The following THSD7B variants were observed in gnomAD, a reference collection of about 807,000 sequenced individuals.
THSD7B encodes the protein thrombospondin type-1 domain-containing protein 7B.
A neutral mutation model predicts 213.6 loss-of-function variants in THSD7B; 138 were observed. The ratio of observed to expected loss-of-function variants is 0.65; its 90% CI spans 0.56 to 0.74. THSD7B has a LOEUF of 0.74. Ranked by LOEUF, THSD7B falls within the 30% of genes least tolerant of loss-of-function variation. The probability of loss-of-function intolerance (pLI) is 0.00; values close to 1 mark genes in which losing one functional copy is unlikely to be tolerated. For synonymous variants in THSD7B, 742 were observed against 687.0 expected (o/e 1.08, Z -1.25); for missense variants, 1,931 against 1,991.5 (o/e 0.97, Z 0.58).
intron 7 of THSD7B, among the ~76,000 whole-genome samples, chr2:137,206,461 T>C (rs1250527371): frequency 6.6e-6 from 1 of 152,036 alleles, no homozygotes; most frequent in East Asian, 1.9e-4. Context: ...CCTGACTGCG[T>C]ATTAGTTACC....
At chr2:137,384,181 G>A (rs1468078793) in intron 12 of THSD7B, among the ~76,000 whole-genome samples, 1 of 152,136 alleles carries the variant, frequency 6.6e-6, no homozygotes, top group Non-Finnish European at 1.5e-5. Context: ...CTATTTAGCA[G>A]AATCCTAATG....
At chr2:137,355,353 G>T (rs1466616195) in intron 12 of THSD7B, among the ~76,000 whole-genome samples, 3 of 152,098 alleles carry the variant, frequency 2.0e-5, no homozygotes, top group Non-Finnish European at 4.4e-5. Context: ...ATATCATATG[G>T]CTGACATTTA....
intron 4 of THSD7B, among the ~76,000 whole-genome samples, chr2:137,095,646 T>C (rs1688026722): frequency 6.6e-6 from 1 of 152,182 alleles, no homozygotes; most frequent in African/African-American, 2.4e-5. Context: ...CCAGAGTCCC[T>C]AGGGAGCCAG....
chr2:137,137,708 A>G (rs1679494271), intron 5 of THSD7B, among the ~76,000 whole-genome samples: 1 of 152,148 alleles, frequency 6.6e-6, no homozygotes, highest in Non-Finnish European at 1.5e-5. Flanking sequence ...CTCAAAATGT[A>G]TTCCTATGGT....
intron 4 of THSD7B, among the ~76,000 whole-genome samples, chr2:137,107,346 T>C (rs551241702): frequency 1.1e-4 from 16 of 152,110 alleles, no homozygotes; most frequent in Middle Eastern, 3.4e-3. Flanking sequence ...TGAGAACACA[T>C]GGACACAGGG....
At chr2:137,205,271 C>T (rs1035071467) in intron 7 of THSD7B, among the ~76,000 whole-genome samples, 3 of 152,028 alleles carry the variant, frequency 2.0e-5, no homozygotes, top group East Asian at 1.9e-4. Context: ...AAGACTGTCA[C>T]ATAGAACATG....
rs57630973 is a variant in THSD7B, at chr2:137,662,242, CTT to C, written c.4459-1127_4459-1126del. ...GACGCCCGGCTAATTTTTTTTTTTT[CTT>C]TTTTTTTTTTTTTGTATTTTTGGTA... On this transcript the variant is annotated intron_variant, in intron 25 of 27. Coordinates refer to ENST00000409968, the MANE Select transcript of THSD7B (RefSeq NM_001316349.2). 5.4e-5 allele frequency among the ~76,000 whole-genome samples: 5 copies of C among 92,416 alleles called. No individual in the cohort carries two copies. The East Asian group carries it at 1.0e-3, about 19-fold the overall frequency. 60.6% of individuals were successfully genotyped at this position (92,416 alleles called of 152,430 possible).
chr2:136,828,265 G>A (rs936890596), intron 1 of THSD7B, among the ~76,000 whole-genome samples: 1 of 151,960 alleles, frequency 6.6e-6, no homozygotes, highest in Non-Finnish European at 1.5e-5. Flanking sequence ...TTCTTTCTCA[G>A]TTAATGGCAC....
At chr2:137,006,037 C>T (rs996831859) in intron 2 of THSD7B, among the ~76,000 whole-genome samples, 3 of 152,096 alleles carry the variant, frequency 2.0e-5, no homozygotes, top group Non-Finnish European at 2.9e-5. Flanking sequence ...CCTTTAAATA[C>T]TAAAGCAATA....
intron 12 of THSD7B, among the ~76,000 whole-genome samples, chr2:137,323,013 C>T (rs992670465): frequency 2.0e-5 from 3 of 152,132 alleles, no homozygotes; most frequent in Admixed American, 6.5e-5. Context: ...TGGCTTTTGT[C>T]GCTATGTGGC....
chr2:136,793,506 A>G (rs555985907), intron 1 of THSD7B, among the ~76,000 whole-genome samples: 18 of 152,082 alleles, frequency 1.2e-4, no homozygotes, highest in African/African-American at 4.3e-4. Context: ...GTTTAATGGC[A>G]TCTTTGAAGA....
chr2:136,814,592 G>T (rs2104932772), intron 1 of THSD7B, among the ~76,000 whole-genome samples: 1 of 152,198 alleles, frequency 6.6e-6, no homozygotes, highest in South Asian at 2.1e-4. Context: ...TAGAGACGGG[G>T]TTTCACCGTG....
At chr2:137,092,879 C>G (rs942416507) in intron 3 of THSD7B, among the ~76,000 whole-genome samples, 7 of 152,234 alleles carry the variant, frequency 4.6e-5, no homozygotes, top group Admixed American at 4.6e-4. Flanking sequence ...CTCAGGTGAT[C>G]TGCCTGCCTT....
chr2:137,423,348 C>T (rs1686969148), intron 14 of THSD7B, among the ~76,000 whole-genome samples: 1 of 152,036 alleles, frequency 6.6e-6, no homozygotes, highest in South Asian at 2.1e-4. Flanking sequence ...AGGAGTTAAA[C>T]TACATCTATT....
intron 1 of THSD7B, among the ~76,000 whole-genome samples, chr2:136,840,594 C>T (rs1456034546): frequency 6.6e-6 from 1 of 151,958 alleles, no homozygotes; most frequent in East Asian, 1.9e-4. Flanking sequence ...GAAGGATTGG[C>T]AGAATATAAG....
At chr2:136,908,776 T>C (rs1402591977) in intron 2 of THSD7B, among the ~76,000 whole-genome samples, 1 of 152,214 alleles carries the variant, frequency 6.6e-6, no homozygotes, top group Non-Finnish European at 1.5e-5. Context: ...GGGGAGGAAG[T>C]AAGGCATTTT....
rs547646254 is a variant in THSD7B, at chr2:137,311,018, G to A, written c.2500+34992G>A. Among the ~76,000 whole-genome samples the A allele has an allele frequency of 5.0e-4, 76 of 150,626 alleles. 1 individual carries two copies. In the East Asian group the frequency reaches 0.014, roughly 28 times the overall value. On this transcript the variant is annotated intron_variant, in intron 12 of 27. Transcript: ENST00000409968. ...TTTTTGCTTCCATATGAACTTTAAAGTATTTTTTTCCAATTCTGTGAAGAA... is the reference window on the plus strand; with the variant it reads ...TTTTTGCTTCCATATGAACTTTAAAATATTTTTTTCCAATTCTGTGAAGAA...
intron 3 of THSD7B, among the ~76,000 whole-genome samples, chr2:137,062,041 G>A (rs563391190): frequency 1.4e-4 from 21 of 151,746 alleles, no homozygotes; most frequent in South Asian, 2.1e-4. Flanking sequence ...AGGACTATTC[G>A]TATCATCGAT....
At chr2:137,606,735 T>C (rs894317996) in intron 17 of THSD7B, among the ~76,000 whole-genome samples, 1 of 152,068 alleles carries the variant, frequency 6.6e-6, no homozygotes, top group Non-Finnish European at 1.5e-5. Flanking sequence ...TAAATTTGGT[T>C]CTTGAATGGC....
Sources: allele counts gnomAD v4.1 joint callset (sites outside exome capture counted in the v4.1 genomes callset), GRCh38; gene constraint gnomAD v4.1.1; transcripts MANE v1.5; gene names NCBI Gene and HGNC (gene_info 2026-07-23, HGNC 2026-07-21).